Variants in TMCO6 observed in about 807,000 individuals in gnomAD.
TMCO6 encodes the protein transmembrane and coiled-coil domain-containing protein 6.
Under a neutral mutation model 61.8 loss-of-function variants are expected in TMCO6, and 47 were observed. The ratio of observed to expected loss-of-function variants is 0.76; its 90% CI spans 0.60 to 0.97. The LOEUF is 0.97. Ranked by LOEUF, TMCO6 falls within the 50% of genes least tolerant of loss-of-function variation. The pLI, the probability that TMCO6 is intolerant of heterozygous loss-of-function variation, is 0.00. For synonymous variants in TMCO6, 261 were observed against 254.2 expected (o/e 1.03, Z -0.25); for missense variants, 557 against 601.6 (o/e 0.93, Z 0.78).
the TMCO6 span, among the ~76,000 whole-genome samples, chr5:140,613,789 C>T: frequency 1.3e-5 from 2 of 152,016 alleles, no homozygotes; most frequent in African/African-American, 4.8e-5. Flanking sequence ...CTCATTGTAA[C>T]GTCAAACTCC....
At chr5:140,636,623 G>A (rs1756776980), upstream of TMCO6, among the ~76,000 whole-genome samples, 2 of 152,164 alleles carry the variant, frequency 1.3e-5, no homozygotes, top group African/African-American at 4.8e-5. Context: ...CCAGAGCATG[G>A]TGCACAGCAG....
chr5:140,633,192 T>A, the TMCO6 span: 1 of 1,265,284 alleles, frequency 7.9e-7, no homozygotes, highest in Non-Finnish European at 1.1e-6. Context: ...TTCGGCTGCC[T>A]CTGACAGTTT....
the TMCO6 span, chr5:140,632,884 A>G: frequency 6.2e-7 from 1 of 1,614,154 alleles, no homozygotes; most frequent in Non-Finnish European, 8.5e-7. The surrounding 1 kb of genome is among the most constrained non-coding windows in gnomAD (Gnocchi z 6.2). Context: ...TTGCAGACGC[A>G]GCGGAAATCT....
At chr5:140,638,565 CT>C (rs112303526), upstream of TMCO6, among the ~76,000 whole-genome samples, 27,522 of 89,102 alleles carry the variant, frequency 0.31, 2,925 homozygotes, top group Non-Finnish European at 0.35. Context: ...TTCTTTCTTT[CT>C]TTTTTTTTTT....
chr5:140,641,665 G>A lies in TMCO6; in HGVS notation c.199G>A (p.Val67Met). ...CVAAILGETE[V>M]QQFLRQAQRG... is the part of the protein sequence containing the mutation. ...CTCCTTTCCCTGCCCTGAACTCCAG[G>A]TGCAGCAGTTCCTGCGGCAAGCCCA... The change falls in exon 3 of 12, where the codon GTG (valine) becomes ATG (methionine). Residue 67 changes from valine to methionine, a missense_variant and splice_region_variant. Coordinates refer to ENST00000394671, the MANE Select transcript of TMCO6 (RefSeq NM_018502.5). 1.2e-6 allele frequency: 2 copies of A among 1,612,674 alleles called. No homozygotes were observed. Among genetic ancestry groups the A allele is most frequent in the Non-Finnish European group, 8.5e-7 (1 of 1,179,014 alleles).
the TMCO6 span, among the ~76,000 whole-genome samples, chr5:140,623,943 G>A: frequency 2.0e-5 from 3 of 152,052 alleles, no homozygotes; most frequent in Admixed American, 6.6e-5. Context: ...TTCAAAAAAT[G>A]CGCATAATTT....
chr5:140,636,156 A>G (rs2563310), upstream of TMCO6, among the ~76,000 whole-genome samples: 82,648 of 151,896 alleles, frequency 0.54, 22,816 homozygotes, highest in African/African-American at 0.6. Flanking sequence ...GTGCCACCAC[A>G]CCTGGTTAAT....
the TMCO6 span, among the ~76,000 whole-genome samples, chr5:140,622,938 G>A: frequency 2.0e-5 from 3 of 151,864 alleles, no homozygotes; most frequent in African/African-American, 7.3e-5. Context: ...GGCTGGTCTC[G>A]AACCCCTGGG....
chr5:140,599,582 G>C, the TMCO6 span, among the ~76,000 whole-genome samples: 2 of 152,196 alleles, frequency 1.3e-5, no homozygotes, highest in African/African-American at 2.4e-5. Flanking sequence ...GCTGTTTATA[G>C]GACACTCTCC....
At chr5:140,617,670 G>T in the TMCO6 span, among the ~76,000 whole-genome samples, 3 of 151,646 alleles carry the variant, frequency 2.0e-5, no homozygotes, top group African/African-American at 4.8e-5. Context: ...GGATGCGGAG[G>T]TTGCAGTGAG....
the TMCO6 span, among the ~76,000 whole-genome samples, chr5:140,624,064 C>T: frequency 6.6e-6 from 1 of 152,098 alleles, no homozygotes; most frequent in African/African-American, 2.4e-5. Flanking sequence ...TAAAATTCAC[C>T]CTTTTAAAGT....
the TMCO6 span, among the ~76,000 whole-genome samples, chr5:140,610,187 A>T: frequency 6.2e-5 from 1 of 16,124 alleles, no homozygotes; most frequent in African/African-American, 1.4e-4. Flanking sequence ...CATTTCTACT[A>T]AAAAAAAAAA....
chr5:140,639,959 A>C (rs1756918701), intron 2 of TMCO6, 108 bp downstream of exon 2: 3 of 901,694 alleles, frequency 3.3e-6, no homozygotes, highest in Non-Finnish European at 5.3e-6. Context: ...CTACACTTCC[A>C]CGCATCCAGT....
At chr5:140,596,881 G>A in the TMCO6 span, among the ~76,000 whole-genome samples, 1 of 152,202 alleles carries the variant, frequency 6.6e-6, no homozygotes, top group Non-Finnish European at 1.5e-5. Flanking sequence ...GCTGTCCTTT[G>A]CTGTCTTTCT....
chr5:140,606,280 T>C, the TMCO6 span, among the ~76,000 whole-genome samples: 1 of 151,676 alleles, frequency 6.6e-6, no homozygotes, highest in East Asian at 1.9e-4. Flanking sequence ...TCCCAAGTAG[T>C]TAGGACCACA....
At chr5:140,632,504 C>A in the TMCO6 span, 1 of 1,614,150 alleles carries the variant, frequency 6.2e-7, no homozygotes, top group African/African-American at 1.3e-5. This position sits in a 1 kb window ranked among gnomAD's most constrained non-coding sequence, Gnocchi z 6.2. Context: ...GCTCGGCGAG[C>A]CAAGAACGCC....
upstream of TMCO6, among the ~76,000 whole-genome samples, chr5:140,634,482 C>CTTTT (rs1221427030): frequency 1.5e-4 from 17 of 110,880 alleles, no homozygotes; most frequent in Non-Finnish European, 2.0e-4. Context: ...ATATGAAAGT[C>CTTTT]TTTTTTTTTT....
chr5:140,629,739 G>T, the TMCO6 span, among the ~76,000 whole-genome samples: 1 of 152,050 alleles, frequency 6.6e-6, no homozygotes, highest in Non-Finnish European at 1.5e-5. Context: ...TTCAAGACCA[G>T]CCTGACCAAC....
In TMCO6 at chr5:140,639,754, G is replaced by A; in HGVS notation, c.101G>A (p.Arg34Gln). ...CTGCCCCCAGCACTGCGGAAGGCGCGGAGGGAGCAGCAGCTGGTCAGCAAG... is the reference window on the plus strand; with the variant it reads ...CTGCCCCCAGCACTGCGGAAGGCGCAGAGGGAGCAGCAGCTGGTCAGCAAG... ...REREAALRKA[R>Q]REQQLVSKRL... Residue 34 changes from arginine to glutamine, a missense_variant, in exon 2 of 12, where the codon CGG becomes CAG. Transcript: ENST00000394671. 6.3e-7 allele frequency: 1 copy of A among 1,599,720 alleles called. No homozygotes were observed. Among genetic ancestry groups the A allele is most frequent in the Non-Finnish European group, 8.5e-7 (1 of 1,174,250 alleles).
Sources: allele counts gnomAD v4.1 joint callset (sites outside exome capture counted in the v4.1 genomes callset), GRCh38; gene constraint gnomAD v4.1.1; non-coding constraint Gnocchi (gnomAD v3.1); transcripts MANE v1.5; gene names NCBI Gene and HGNC (gene_info 2026-07-23, HGNC 2026-07-21).